Variants in SLC1A1 observed in about 807,000 individuals in gnomAD.
The protein encoded by SLC1A1 is excitatory amino acid transporter 3.
A neutral mutation model predicts 53.3 loss-of-function variants in SLC1A1; 43 were observed. The ratio of observed to expected loss-of-function variants is 0.81; its 90% CI spans 0.63 to 1.04. The LOEUF (loss-of-function observed/expected upper bound fraction) is 1.04, where lower values mean the gene tolerates loss of function less well. Ranked by LOEUF, SLC1A1 falls within the 50% of genes least tolerant of loss-of-function variation. The pLI, the probability that SLC1A1 is intolerant of heterozygous loss-of-function variation, is 0.00. For synonymous variants in SLC1A1, 307 were observed against 243.2 expected (o/e 1.26, Z -2.44); for missense variants, 748 against 664.9 (o/e 1.12, Z -1.37).
chr9:4,540,058 G>A (rs1816871803), intron 1 of SLC1A1, among the ~76,000 whole-genome samples: 1 of 152,024 alleles, frequency 6.6e-6, no homozygotes. Context: ...ACCACCCATG[G>A]CCCTCCTGCC....
intron 5 of SLC1A1, 87 bp from the exon 6 acceptor site, chr9:4,567,582 A>G (rs1286320279): frequency 3.5e-6 from 3 of 859,286 alleles, no homozygotes; most frequent in African/African-American, 3.3e-5. Context: ...TGTTTGGCCA[A>G]AATAACATGT....
At position 4,496,760 on chromosome 9, in the gene SLC1A1, G is replaced by C. The variant is rs188183779; in HGVS notation, c.91+5990G>C. Among the ~76,000 whole-genome samples the C allele has an allele frequency of 4.3e-3, 654 of 152,178 alleles. 6 individuals are homozygous for C. Among genetic ancestry groups the C allele is most frequent in the African/African-American group, 0.015 (603 of 41,530 alleles). Reference sequence around the variant, plus strand: ...AATAAAAATTAAATTAGCCAGGCACGATGGTGCGTGCCTGTGGCCCCAACT... The same window carrying C: ...AATAAAAATTAAATTAGCCAGGCACCATGGTGCGTGCCTGTGGCCCCAACT... On this transcript the variant is annotated intron_variant, in intron 1 of 11. Transcript: ENST00000262352.
intron 1 of SLC1A1, among the ~76,000 whole-genome samples, chr9:4,500,338 T>C (rs1400196406): frequency 6.6e-6 from 1 of 152,150 alleles, no homozygotes; most frequent in Non-Finnish European, 1.5e-5. Flanking sequence ...AGACAGAGTC[T>C]CACTCTGTCA....
intron 2 of SLC1A1, among the ~76,000 whole-genome samples, chr9:4,550,868 G>C (rs144226157): frequency 2.8e-4 from 42 of 152,272 alleles, no homozygotes; most frequent in African/African-American, 9.4e-4. Context: ...TGTGTATTTT[G>C]CCCAACTACC....
In SLC1A1 at chr9:4,577,971, C is replaced by G. The variant is rs141861130; in HGVS notation, c.1193+1208C>G. 1.8e-3 allele frequency among the ~76,000 whole-genome samples: 278 copies of G among 152,200 alleles called. 2 individuals carry two copies. The highest frequency in any genetic ancestry group is 5.9e-3 in the African/African-American group (244 of 41,506). The stretch of plus-strand genomic sequence containing the variant: ...TTCAGGGTGAAAGGCGAGGGAATGC[C>G]AGGATGACTCCCAGGATTGGCAGAT... On this transcript the variant is annotated intron_variant, in intron 10 of 11. Coordinates refer to ENST00000262352, the MANE Select transcript of SLC1A1 (RefSeq NM_004170.6).
intron 2 of SLC1A1, among the ~76,000 whole-genome samples, chr9:4,551,278 A>G (rs1293796658): frequency 1.3e-5 from 2 of 152,134 alleles, no homozygotes; most frequent in Admixed American, 1.3e-4. Flanking sequence ...AAACAATCCC[A>G]CATCCTCCTA....
chr9:4,550,297 C>T (rs1421341920), intron 2 of SLC1A1, among the ~76,000 whole-genome samples: 2 of 152,182 alleles, frequency 1.3e-5, no homozygotes, highest in African/African-American at 2.4e-5. Context: ...ATGCTCCAGA[C>T]TTTTAGATGA....
chr9:4,532,907 T>A (rs1816529834), intron 1 of SLC1A1, among the ~76,000 whole-genome samples: 1 of 152,180 alleles, frequency 6.6e-6, no homozygotes, highest in Non-Finnish European at 1.5e-5. Context: ...GGGGCCAATA[T>A]GCAACATTCT....
chr9:4,515,033 TTCTC>T (rs959544672), intron 1 of SLC1A1, among the ~76,000 whole-genome samples: 2 of 151,176 alleles, frequency 1.3e-5, no homozygotes, highest in African/African-American at 4.9e-5. Context: ...CCTCTTCTCT[TTCTC>T]TCTCTCTCTC....
At chr9:4,514,812 G>T (rs1564001770) in intron 1 of SLC1A1, among the ~76,000 whole-genome samples, 1 of 152,194 alleles carries the variant, frequency 6.6e-6, no homozygotes, top group Non-Finnish European at 1.5e-5. Context: ...ATTGTATGCA[G>T]AAAGAGTTTT....
chr9:4,508,949 G>C (rs1360675878), intron 1 of SLC1A1, among the ~76,000 whole-genome samples: 1 of 152,130 alleles, frequency 6.6e-6, no homozygotes, highest in African/African-American at 2.4e-5. Flanking sequence ...GGGAAGGAGA[G>C]CACGAATTAG....
intron 1 of SLC1A1, among the ~76,000 whole-genome samples, chr9:4,505,312 G>T (rs1384035901): frequency 1.3e-5 from 2 of 152,046 alleles, no homozygotes; most frequent in African/African-American, 4.8e-5. Flanking sequence ...GCCTCCCAAA[G>T]AGCTGGGATT....
At chr9:4,570,934 A>G (rs1159942397) in intron 6 of SLC1A1, among the ~76,000 whole-genome samples, 2 of 152,224 alleles carry the variant, frequency 1.3e-5, no homozygotes, top group Non-Finnish European at 2.9e-5. Flanking sequence ...AAAAAAGGTA[A>G]AAACATGATT....
At position 4,580,861 on chromosome 9, in the gene SLC1A1, T is replaced by G. The variant is rs1029911822; in HGVS notation, c.1194-2177T>G. On this transcript the variant is annotated intron_variant, in intron 10 of 11. Coordinates refer to ENST00000262352, the MANE Select transcript of SLC1A1 (RefSeq NM_004170.6). ...GCAGCAACTGCTGTTGTTGCAGAAG[T>G]AGCAGCAGAAATGGCACGTTTTTAA... Among the ~76,000 whole-genome samples, 16 of 152,270 alleles carry G rather than the reference T, an allele frequency of 1.1e-4. No homozygotes were observed. In the East Asian group the frequency reaches 2.9e-3, roughly 28 times the overall value.
intron 2 of SLC1A1, among the ~76,000 whole-genome samples, chr9:4,558,813 T>A (rs925777858): frequency 6.6e-6 from 1 of 152,156 alleles, no homozygotes; most frequent in Admixed American, 6.5e-5. Flanking sequence ...CTGCTTAAAC[T>A]GGACATCTAC....
chr9:4,503,041 GATTTA>G (rs1466651439), intron 1 of SLC1A1, among the ~76,000 whole-genome samples: 1 of 151,782 alleles, frequency 6.6e-6, no homozygotes, highest in Admixed American at 6.6e-5. Flanking sequence ...CTTGAAGATG[GATTTA>G]ATTACCACTT....
intron 1 of SLC1A1, among the ~76,000 whole-genome samples, chr9:4,542,294 T>C (rs1817086005): frequency 6.6e-6 from 1 of 152,206 alleles, no homozygotes; most frequent in South Asian, 2.1e-4. Context: ...TACAGTAACC[T>C]ACTTGGGGTA....
At chr9:4,522,137 T>C (rs957684429) in intron 1 of SLC1A1, among the ~76,000 whole-genome samples, 1 of 147,424 alleles carries the variant, frequency 6.8e-6, no homozygotes, top group South Asian at 2.3e-4. Context: ...CTGCAAGCTC[T>C]GCCTCCTGGG....
At chr9:4,555,577 A>G (rs1033550792) in intron 2 of SLC1A1, among the ~76,000 whole-genome samples, 4 of 152,218 alleles carry the variant, frequency 2.6e-5, no homozygotes, top group Non-Finnish European at 5.9e-5. Context: ...AAATGCCTTT[A>G]CCTAAAATAA....
Sources: allele counts gnomAD v4.1 joint callset (sites outside exome capture counted in the v4.1 genomes callset), GRCh38; gene constraint gnomAD v4.1.1; transcripts MANE v1.5; gene names NCBI Gene and HGNC (gene_info 2026-07-23, HGNC 2026-07-21).